Variants in TGFBRAP1 observed in about 807,000 individuals in gnomAD.
TGFBRAP1 encodes transforming growth factor beta receptor associated protein 1.
A neutral mutation model predicts 83.2 loss-of-function variants in TGFBRAP1; 20 were observed. That is an observed-to-expected ratio of 0.24 (90% confidence interval 0.17 to 0.35). The LOEUF (loss-of-function observed/expected upper bound fraction) is 0.35, where lower values mean the gene tolerates loss of function less well. Among genes scored for constraint, TGFBRAP1 ranks in the 10% least tolerant of loss-of-function variants. TGFBRAP1 has a pLI of 1.00. For missense variants in TGFBRAP1, 950 were observed against 1,099.4 expected, an observed-to-expected ratio of 0.86 and a Z score of 1.92; for synonymous variants, 415 against 459.8, an observed-to-expected ratio of 0.90 and a Z score of 1.25.
intron 1 of TGFBRAP1, among the ~76,000 whole-genome samples, chr2:105,310,858 G>C (rs1369661772): frequency 6.6e-6 from 1 of 152,076 alleles, no homozygotes; most frequent in Non-Finnish European, 1.5e-5. Flanking sequence ...AATCAATCAG[G>C]GTTGTCTTTT....
the TGFBRAP1 span, among the ~76,000 whole-genome samples, chr2:105,255,808 C>T: frequency 2.0e-5 from 3 of 152,264 alleles, no homozygotes; most frequent in East Asian, 5.8e-4. Flanking sequence ...GCCTGCTCAC[C>T]CTGTCTCTCC....
At chr2:105,253,422 C>T in the TGFBRAP1 span, among the ~76,000 whole-genome samples, 12 of 152,074 alleles carry the variant, frequency 7.9e-5, no homozygotes, top group African/African-American at 2.4e-4. Context: ...TGTGAGCCAC[C>T]GCGCCTGGCC....
chr2:105,306,785 C>T (rs1396376701), intron 2 of TGFBRAP1, among the ~76,000 whole-genome samples: 1 of 151,910 alleles, frequency 6.6e-6, no homozygotes, highest in African/African-American at 2.4e-5. Context: ...GGCAATAAAG[C>T]GAGACTCTGT....
At chr2:105,305,875 G>A (rs896582647) in intron 2 of TGFBRAP1, among the ~76,000 whole-genome samples, 1 of 151,906 alleles carries the variant, frequency 6.6e-6, no homozygotes, top group African/African-American at 2.4e-5. Flanking sequence ...GGCTGGTCTC[G>A]AACTACTGAC....
rs1287433617 is a variant in TGFBRAP1, at chr2:105,267,362, C to T, written c.*21G>A. The T allele has an allele frequency of 1.2e-5, 20 of 1,613,048 alleles. No homozygotes were observed. Among genetic ancestry groups the T allele is most frequent in the South Asian group, 4.4e-5 (4 of 91,012 alleles). On this transcript the variant is annotated 3_prime_UTR_variant, in exon 12 of 12. Transcript: ENST00000393359. ...CTCAGAAAGAACTCGGAGTTCCCCT[C>T]GCACCCTTGGGCCAAGCTTTTCAAG...
In TGFBRAP1 at chr2:105,307,631, G is replaced by A. The variant is rs770251473; in HGVS notation, c.671C>T (p.Ala224Val). The change falls in exon 2 of 12, where the codon GCG (alanine) becomes GTG (valine). Residue 224 changes from alanine to valine, a missense_variant. Transcript: ENST00000393359. ...CTCCTCACCCAGCCCTCCGGGGCCC[G>A]CCAGCAGGAACTCCTGTCTCCCTAT... The part of the protein sequence containing the change: ...KRIGRQEFLL[A>V]GPGGLGMFAT... The A allele has an allele frequency of 1.9e-5, 30 of 1,611,590 alleles. No homozygotes were observed. The highest frequency in any genetic ancestry group is 2.3e-5 in the Non-Finnish European group (27 of 1,178,782).
chr2:105,300,639 G>A (rs1202631329), intron 2 of TGFBRAP1, among the ~76,000 whole-genome samples: 9 of 151,924 alleles, frequency 5.9e-5, no homozygotes, highest in African/African-American at 1.9e-4. Flanking sequence ...GTTTCGCCAC[G>A]TTGGCCAGGC....
chr2:105,289,101 G>C (rs1269827348), intron 4 of TGFBRAP1, among the ~76,000 whole-genome samples: 1 of 152,116 alleles, frequency 6.6e-6, no homozygotes, highest in East Asian at 1.9e-4. Context: ...CACATTCAAA[G>C]CACAAAAGGT....
intron 11 of TGFBRAP1, 116 bp from the exon 12 acceptor site, chr2:105,267,675 G>C: frequency 2.0e-6 from 3 of 1,494,636 alleles, no homozygotes; most frequent in Non-Finnish European, 2.7e-6. Context: ...ATTATGATGA[G>C]GATTTCTTTA....
chr2:105,297,594 G>A (rs939296300), intron 3 of TGFBRAP1, among the ~76,000 whole-genome samples: 2 of 152,258 alleles, frequency 1.3e-5, no homozygotes, highest in African/African-American at 4.8e-5. Flanking sequence ...AGTGGCAAAT[G>A]CGATGCATAA....
At chr2:105,313,641 C>T (rs1678761429) in intron 1 of TGFBRAP1, among the ~76,000 whole-genome samples, 1 of 152,106 alleles carries the variant, frequency 6.6e-6, no homozygotes, top group Non-Finnish European at 1.5e-5. Flanking sequence ...AGAAAAATCA[C>T]AGATCATTCT....
Position 105,267,253 on chromosome 2 carries a change from G to T in TGFBRAP1, c.*130C>A. ...CGAGGAGTCCTTGTTGCGTATGGAC[G>T]GAAGGCTCCCTGGCACCCAGATGTC... On this transcript the variant is annotated 3_prime_UTR_variant, in exon 12 of 12. Coordinates refer to ENST00000393359, the MANE Select transcript of TGFBRAP1 (RefSeq NM_004257.6). 1.6e-6 allele frequency: 2 copies of T among 1,263,266 alleles called. No homozygotes were observed. Among genetic ancestry groups the T allele is most frequent in the Non-Finnish European group, 1.1e-6 (1 of 927,068 alleles). 78.3% of individuals were successfully genotyped at this position (1,263,266 alleles called of 1,614,324 possible).
rs1463067832 is a variant in TGFBRAP1, at chr2:105,269,383, G to A, written c.2295C>T (p.Leu765=). 1.9e-6 allele frequency: 3 copies of A among 1,613,874 alleles called. No homozygotes were observed. Among genetic ancestry groups the A allele is most frequent in the Non-Finnish European group, 2.5e-6 (3 of 1,180,030 alleles). ...QMLPDTWSVQ[L]LCPFLMGAMR... is the part of the protein sequence containing the mutation. ...TGGCCCCCATCAGGAATGGGCAGAG[G>A]AGCTGCACTGACCAGGTGTCAGGCA... Residue 765 remains leucine (L), a synonymous_variant, in exon 11 of 12, where the codon CTC becomes CTT. Transcript: ENST00000393359. This position sits in a 1 kb window ranked among gnomAD's most constrained non-coding sequence, Gnocchi z 4.1.
At chr2:105,313,308 G>A (rs1678751072) in intron 1 of TGFBRAP1, among the ~76,000 whole-genome samples, 2 of 152,224 alleles carry the variant, frequency 1.3e-5, no homozygotes, top group Non-Finnish European at 1.5e-5. Context: ...AAGCTATGTA[G>A]GCTTCTAGAG....
chr2:105,290,796 G>C (rs113985014), intron 4 of TGFBRAP1, among the ~76,000 whole-genome samples: 26,785 of 152,058 alleles, frequency 0.18, 2,901 homozygotes, highest in East Asian at 0.51. Context: ...CCTGAGGTCA[G>C]GAGTTCGAGA....
chr2:105,318,087 G>A (rs1207471078), intron 1 of TGFBRAP1, among the ~76,000 whole-genome samples: 1 of 152,176 alleles, frequency 6.6e-6, no homozygotes, highest in Non-Finnish European at 1.5e-5. Flanking sequence ...TGCCATGACT[G>A]AGTAAGCCAT....
At chr2:105,307,550 A>G in intron 2 of TGFBRAP1, 64 bp downstream of exon 2, 2 of 1,493,748 alleles carry the variant, frequency 1.3e-6, no homozygotes, top group Non-Finnish European at 1.8e-6. Flanking sequence ...CTCACTCTCC[A>G]GTTTCAACAC....
At chr2:105,290,270 C>G (rs558073237) in intron 4 of TGFBRAP1, among the ~76,000 whole-genome samples, 67 of 152,254 alleles carry the variant, frequency 4.4e-4, no homozygotes, top group African/African-American at 1.5e-3. Context: ...TTTCACCATG[C>G]TGGTCAGGCT....
chr2:105,321,461 C>T (rs1679064814), intron 1 of TGFBRAP1, among the ~76,000 whole-genome samples: 1 of 152,246 alleles, frequency 6.6e-6, no homozygotes, highest in African/African-American at 2.4e-5. Context: ...AGCCACCATG[C>T]CTGGCCTACA....
Sources: allele counts gnomAD v4.1 joint callset (sites outside exome capture counted in the v4.1 genomes callset), GRCh38; gene constraint gnomAD v4.1.1; non-coding constraint Gnocchi (gnomAD v3.1); transcripts MANE v1.5; gene names NCBI Gene and HGNC (gene_info 2026-07-23, HGNC 2026-07-21).